The following CCDC171 variants were observed in gnomAD, a reference collection of about 807,000 sequenced individuals.
The protein encoded by CCDC171 is coiled-coil domain-containing protein 171.
In CCDC171, 177 loss-of-function variants were observed where a neutral mutation model predicts 168.2. The ratio of observed to expected loss-of-function variants is 1.05; its 90% CI spans 0.93 to 1.19. CCDC171 has a LOEUF of 1.19. Among genes scored for constraint, CCDC171 ranks in the 50% most tolerant of loss-of-function variants. CCDC171 has a pLI of 0.00. For synonymous variants in CCDC171, 687 were observed against 540.8 expected, an observed-to-expected ratio of 1.27 and a Z score of -3.75; for missense variants, 1,991 against 1,539.0, an observed-to-expected ratio of 1.29 and a Z score of -4.91.
At chr9:15,647,106 A>G (rs1185900584) in intron 7 of CCDC171, among the ~76,000 whole-genome samples, 1 of 152,184 alleles carries the variant, frequency 6.6e-6, no homozygotes, top group Admixed American at 6.6e-5. Flanking sequence ...CTCACTCAAA[A>G]CCGCTCAACT....
chr9:15,771,748 T>C (rs1468291425), intron 18 of CCDC171, among the ~76,000 whole-genome samples: 3 of 152,208 alleles, frequency 2.0e-5, no homozygotes, highest in Non-Finnish European at 4.4e-5. Context: ...TTCGATACAT[T>C]AAATCTTGAG....
chr9:15,646,834 CA>C (rs2132667127), intron 7 of CCDC171, among the ~76,000 whole-genome samples: 1 of 152,294 alleles, frequency 6.6e-6, no homozygotes, highest in South Asian at 2.1e-4. Flanking sequence ...CAACATTAGA[CA>C]GATCAACTGG....
chr9:15,782,650 A>T (rs374010399), intron 20 of CCDC171, among the ~76,000 whole-genome samples: 87 of 152,322 alleles, frequency 5.7e-4, no homozygotes, highest in African/African-American at 1.9e-3. Flanking sequence ...AATTTAAAAC[A>T]ACACATTGAA....
intron 11 of CCDC171, among the ~76,000 whole-genome samples, chr9:15,715,074 A>G (rs1399385803): frequency 1.3e-5 from 2 of 152,226 alleles, no homozygotes; most frequent in African/African-American, 4.8e-5. Context: ...TGATGGCACC[A>G]GTGTTTGCTG....
At chr9:15,896,338 A>G (rs551490656) in intron 24 of CCDC171, among the ~76,000 whole-genome samples, 34 of 152,200 alleles carry the variant, frequency 2.2e-4, no homozygotes, top group African/African-American at 8.2e-4. Flanking sequence ...CTGCTGCAAA[A>G]GTGTTCTGCA....
chr9:15,755,746 C>T (rs2056069461), intron 18 of CCDC171, among the ~76,000 whole-genome samples: 2 of 152,210 alleles, frequency 1.3e-5, no homozygotes, highest in Middle Eastern at 6.8e-3. Flanking sequence ...CCAGAGTAGA[C>T]ACATCTAGAG....
At chr9:15,615,105 A>G (rs1489448508) in intron 6 of CCDC171, among the ~76,000 whole-genome samples, 1 of 152,214 alleles carries the variant, frequency 6.6e-6, no homozygotes, top group Non-Finnish European at 1.5e-5. Context: ...TTATGAATAT[A>G]TATGCAAAAA....
At chr9:15,968,787 C>G (rs1393342635) in intron 25 of CCDC171, among the ~76,000 whole-genome samples, 1 of 152,170 alleles carries the variant, frequency 6.6e-6, no homozygotes, top group Non-Finnish European at 1.5e-5. Context: ...GATCCACCCA[C>G]CTCGGCCTCC....
intron 25 of CCDC171, among the ~76,000 whole-genome samples, chr9:15,930,418 A>G (rs1365007474): frequency 6.6e-6 from 1 of 151,628 alleles, no homozygotes; most frequent in Non-Finnish European, 1.5e-5. Context: ...AAAAAAGACA[A>G]CACAGAATTA....
chr9:15,628,059 G>A lies in CCDC171; in HGVS notation c.822+4646G>A, dbSNP rs990704336. Reference sequence around the variant, plus strand: ...CACTGGGGAGGGAGCCAAGATGGCCGAATAGGAACAGCTGCTGTCTACAGC... The same window carrying A: ...CACTGGGGAGGGAGCCAAGATGGCCAAATAGGAACAGCTGCTGTCTACAGC... On this transcript the variant is annotated intron_variant, in intron 7 of 25. Coordinates refer to ENST00000380701, the MANE Select transcript of CCDC171 (RefSeq NM_173550.4). 6.6e-5 allele frequency among the ~76,000 whole-genome samples: 10 copies of A among 152,208 alleles called. No individual in the cohort carries two copies. In the South Asian group the frequency reaches 1.2e-3, roughly 19 times the overall value.
chr9:15,748,087 A>G (rs2055431613), intron 18 of CCDC171, among the ~76,000 whole-genome samples: 1 of 152,184 alleles, frequency 6.6e-6, no homozygotes, highest in African/African-American at 2.4e-5. Context: ...CAGGCTTCAA[A>G]TGCATTACTC....
At position 15,913,263 on chromosome 9, in the gene CCDC171, A is replaced by G. The variant is rs185308788; in HGVS notation, c.3601-7007A>G. Among the ~76,000 whole-genome samples, 516 of 152,164 alleles carry G rather than the reference A, an allele frequency of 3.4e-3. 2 individuals carry two copies. The highest frequency in any genetic ancestry group is 0.012 in the African/African-American group (504 of 41,516). The stretch of plus-strand genomic sequence containing the variant: ...CTTCCTGGTTTAGTCTTGGGTGGGT[A>G]TATGTGTCCAGGAATTTATCCATGT... On this transcript the variant is annotated intron_variant, in intron 24 of 25. Transcript: ENST00000380701.
downstream of CCDC171, among the ~76,000 whole-genome samples, chr9:15,975,151 A>G (rs919448867): frequency 3.3e-5 from 5 of 152,188 alleles, no homozygotes; most frequent in Non-Finnish European, 5.9e-5. Flanking sequence ...TATGCCAGTT[A>G]TTATAGCAAA....
chr9:15,672,120 A>G lies in CCDC171; in HGVS notation c.1076+5797A>G, dbSNP rs192798827. ...GACCAGTGATCATGAGCGTTTTTTCATATGTCTGTTGGCTGCATAAATATC... is the reference window on the plus strand; with the variant it reads ...GACCAGTGATCATGAGCGTTTTTTCGTATGTCTGTTGGCTGCATAAATATC... On this transcript the variant is annotated intron_variant, in intron 9 of 25. Transcript: ENST00000380701. Among the ~76,000 whole-genome samples the G allele has an allele frequency of 8.2e-4, 125 of 152,142 alleles. 1 individual carries two copies. The highest frequency in any genetic ancestry group is 2.7e-3 in the African/African-American group (110 of 41,474).
chr9:15,573,797 A>C (rs1233375519), intron 3 of CCDC171, among the ~76,000 whole-genome samples: 1 of 151,204 alleles, frequency 6.6e-6, no homozygotes, highest in African/African-American at 2.4e-5. Flanking sequence ...GTGGTGGCTC[A>C]TGCCTGTAAT....
chr9:15,591,620 A>G, intron 5 of CCDC171, 64 bp downstream of exon 5: 3 of 875,398 alleles, frequency 3.4e-6, no homozygotes, highest in East Asian at 5.3e-5. Flanking sequence ...GTTGTACATT[A>G]CTTGAAGTTA....
chr9:15,554,267 G>T (rs10121012), intron 1 of CCDC171, among the ~76,000 whole-genome samples: 8,369 of 152,180 alleles, frequency 0.055, 284 homozygotes, highest in African/African-American at 0.088. Flanking sequence ...TGATCCGCCC[G>T]CCTCGGCCTC....
At chr9:15,732,901 C>T (rs547011555) in intron 16 of CCDC171, among the ~76,000 whole-genome samples, 10 of 152,200 alleles carry the variant, frequency 6.6e-5, no homozygotes, top group African/African-American at 2.4e-4. Flanking sequence ...TTCCAAGTGA[C>T]TATATCATTT....
chr9:15,909,108 T>C (rs1445500657), intron 24 of CCDC171, among the ~76,000 whole-genome samples: 1 of 152,144 alleles, frequency 6.6e-6, no homozygotes, highest in African/African-American at 2.4e-5. Flanking sequence ...TAATAAAGCT[T>C]ATCCAATCAT....
Sources: allele counts gnomAD v4.1 joint callset (sites outside exome capture counted in the v4.1 genomes callset), GRCh38; gene constraint gnomAD v4.1.1; transcripts MANE v1.5; gene names NCBI Gene and HGNC (gene_info 2026-07-23, HGNC 2026-07-21).